The following SDK1 variants were observed in gnomAD, a reference collection of about 807,000 sequenced individuals.
The protein encoded by SDK1 is protein sidekick-1.
A neutral mutation model predicts 245.5 loss-of-function variants in SDK1; 157 were observed. The ratio of observed to expected loss-of-function variants is 0.64; its 90% CI spans 0.56 to 0.73. The LOEUF (loss-of-function observed/expected upper bound fraction) is 0.73. Ranked by LOEUF, SDK1 falls within the 30% of genes least tolerant of loss-of-function variation. The pLI is 0.00. For synonymous variants in SDK1, 1,647 were observed against 1,278.5 expected, an observed-to-expected ratio of 1.29 and a Z score of -6.15; for missense variants, 3,583 against 3,002.3, an observed-to-expected ratio of 1.19 and a Z score of -4.52.
chr7:3,612,468 A>G (rs144226874), intron 1 of SDK1, among the ~76,000 whole-genome samples: 1 of 152,204 alleles, frequency 6.6e-6, no homozygotes, highest in African/African-American at 2.4e-5. Context: ...ATAGGTATAC[A>G]TAATGAACTG....
At chr7:3,555,985 A>G (rs1434954140) in intron 1 of SDK1, among the ~76,000 whole-genome samples, 3 of 152,212 alleles carry the variant, frequency 2.0e-5, no homozygotes, top group Non-Finnish European at 4.4e-5. Flanking sequence ...AAATTAGGGA[A>G]ACCACCATGG....
intron 5 of SDK1, among the ~76,000 whole-genome samples, chr7:3,836,482 C>T (rs147128434): frequency 6.6e-6 from 1 of 152,238 alleles, no homozygotes; most frequent in African/African-American, 2.4e-5. Context: ...TTGAGGATAT[C>T]ATGATTGAGG....
chr7:3,303,758 T>G (rs1779343205), intron 1 of SDK1, among the ~76,000 whole-genome samples: 1 of 152,232 alleles, frequency 6.6e-6, no homozygotes, highest in East Asian at 1.9e-4. Flanking sequence ...CCATCTTTTT[T>G]TATATCGTAT....
chr7:4,206,075 G>A, intron 36 of SDK1, 81 bp downstream of exon 36: 1 of 918,770 alleles, frequency 1.1e-6, no homozygotes, highest in Non-Finnish European at 1.6e-6. Context: ...TGCATTGCCA[G>A]CAGCAGACCC....
chr7:3,664,834 T>C lies in SDK1; in HGVS notation c.713+22729T>C, dbSNP rs1482193022. Among the ~76,000 whole-genome samples the C allele has an allele frequency of 2.0e-5, 3 of 152,170 alleles. No homozygotes were observed. The East Asian group carries it at 5.8e-4, about 29-fold the overall frequency. Reference sequence around the variant, plus strand: ...ATGTGTTCTAATAACTTGGCATCTTTCTTACGGCTCTGAGATGAAGAAACA... The same window carrying C: ...ATGTGTTCTAATAACTTGGCATCTTCCTTACGGCTCTGAGATGAAGAAACA... On this transcript the variant is annotated intron_variant, in intron 4 of 44. Transcript: ENST00000404826.
At chr7:3,822,137 A>T (rs907900652) in intron 5 of SDK1, among the ~76,000 whole-genome samples, 28 of 152,232 alleles carry the variant, frequency 1.8e-4, no homozygotes, top group African/African-American at 6.8e-4. Flanking sequence ...TAGTTTGAGT[A>T]AACTTAGTTT....
intron 22 of SDK1, among the ~76,000 whole-genome samples, chr7:4,094,551 A>G (rs1223486618): frequency 1.7e-4 from 26 of 152,232 alleles, no homozygotes; most frequent in Admixed American, 1.7e-3. Flanking sequence ...AGTGAGTAGG[A>G]AAGAGAGACT....
At chr7:3,473,647 CT>C (rs1781251395) in intron 1 of SDK1, among the ~76,000 whole-genome samples, 1 of 151,820 alleles carries the variant, frequency 6.6e-6, no homozygotes, top group Non-Finnish European at 1.5e-5. Flanking sequence ...CTTTTATTTC[CT>C]GGGTCCAGGT....
At chr7:3,628,058 T>C (rs1782174455) in intron 2 of SDK1, among the ~76,000 whole-genome samples, 1 of 152,124 alleles carries the variant, frequency 6.6e-6, no homozygotes, top group Non-Finnish European at 1.5e-5. Flanking sequence ...CTTGGAAGGC[T>C]CTTCCTTAAC....
In SDK1 at chr7:3,842,910, T is replaced by C. The variant is rs549689235; in HGVS notation, c.847+21327T>C. Among the ~76,000 whole-genome samples, 4 of 152,278 alleles carry C rather than the reference T, an allele frequency of 2.6e-5. No individual in the cohort carries two copies. In the South Asian group the frequency reaches 8.3e-4, roughly 32 times the overall value. On this transcript the variant is annotated intron_variant, in intron 5 of 44. Coordinates refer to ENST00000404826, the MANE Select transcript of SDK1 (RefSeq NM_152744.4). ...GGCTCCAGCGTTCACCACAATGGTC[T>C]CTTTAGGAAAGGATTCCCAGAAGAA...
chr7:3,538,297 T>A (rs1778951131), intron 1 of SDK1, among the ~76,000 whole-genome samples: 2 of 152,324 alleles, frequency 1.3e-5, no homozygotes, highest in South Asian at 4.1e-4. Context: ...CTGTCCGCAT[T>A]TTGTCTTTTC....
At chr7:3,529,971 T>TA (rs1345017327) in intron 1 of SDK1, among the ~76,000 whole-genome samples, 1 of 152,166 alleles carries the variant, frequency 6.6e-6, no homozygotes, top group Non-Finnish European at 1.5e-5. Context: ...CTCTTACTAT[T>TA]ATGTGATAAG....
chr7:4,155,231 C>A (rs1053385723), intron 30 of SDK1, among the ~76,000 whole-genome samples: 1 of 152,042 alleles, frequency 6.6e-6, no homozygotes, highest in African/African-American at 2.4e-5. Flanking sequence ...AGGGTTAACT[C>A]CCCCAGATCC....
intron 5 of SDK1, among the ~76,000 whole-genome samples, chr7:3,930,373 C>A (rs1468613977): frequency 2.0e-5 from 3 of 152,344 alleles, no homozygotes; most frequent in Middle Eastern, 6.8e-3. Flanking sequence ...CCACCCCAGC[C>A]CTGCCGAGGC....
chr7:3,493,327 T>C, intron 1 of SDK1, among the ~76,000 whole-genome samples: 1 of 152,322 alleles, frequency 6.6e-6, no homozygotes, highest in South Asian at 2.1e-4. Flanking sequence ...TCAGGACATT[T>C]CTTCACAGCT....
rs538118956 is a variant in SDK1 at position 4,129,813 on chromosome 7, TG to T, written c.3940-92del. 5.4e-5 allele frequency: 85 copies of T among 1,564,738 alleles called. No individual in the cohort carries two copies. The African/African-American group carries it at 1.0e-3, about 18-fold the overall frequency. On this transcript the variant is annotated intron_variant, in intron 26 of 44. Coordinates refer to ENST00000404826, the MANE Select transcript of SDK1 (RefSeq NM_152744.4). ...TCCTCAGGGAGAAAGCACAGTTGGC[TG>T]GGCCTTGATTCACGAAGGGGGCCTG...
In SDK1 at chr7:4,041,768, G is replaced by A. The variant is rs75512225; in HGVS notation, c.2603-7580G>A. Among the ~76,000 whole-genome samples, 1,172 of 136,430 alleles carry A rather than the reference G, an allele frequency of 8.6e-3. 360 individuals carry two copies. Among genetic ancestry groups the A allele is most frequent in the African/African-American group, 0.038 (1,123 of 29,730 alleles). 89.5% of individuals were successfully genotyped at this position (136,430 alleles called of 152,430 possible). ...AATGCATGCGTGTCGTGAAAACACA[G>A]CATATATATAGTGAAAACAGCATGA... is the stretch of plus-strand genomic sequence containing the variant. On this transcript the variant is annotated intron_variant, in intron 17 of 44. Transcript: ENST00000404826.
At chr7:4,242,027 A>G (rs188567878) in intron 43 of SDK1, 114 bp downstream of exon 43, 1,438 of 1,317,346 alleles carry the variant, frequency 1.1e-3, no homozygotes, top group Non-Finnish European at 1.4e-3. Context: ...CCAGGAAGCA[A>G]AACCCAACCC....
At chr7:3,900,825 C>T (rs1781762728) in intron 5 of SDK1, among the ~76,000 whole-genome samples, 1 of 152,126 alleles carries the variant, frequency 6.6e-6, no homozygotes, top group Non-Finnish European at 1.5e-5. Context: ...ACATTCCTCC[C>T]TAATACTCCA....
Sources: allele counts gnomAD v4.1 joint callset (sites outside exome capture counted in the v4.1 genomes callset), GRCh38; gene constraint gnomAD v4.1.1; transcripts MANE v1.5; gene names NCBI Gene and HGNC (gene_info 2026-07-23, HGNC 2026-07-21).